ACTR3C: variants seen among roughly 807,000 people sequenced by gnomAD.
ACTR3C encodes actin related protein 3C.
Under a neutral mutation model 26.3 loss-of-function variants are expected in ACTR3C, and 18 were observed. The observed-to-expected ratio is 0.68, with a 90% CI of 0.47 to 1.01. The LOEUF (loss-of-function observed/expected upper bound fraction) is 1.01. Among genes scored for constraint, ACTR3C ranks in the 50% least tolerant of loss-of-function variants. ACTR3C has a pLI of 0.00. For synonymous variants in ACTR3C, 55 were observed against 94.5 expected (o/e 0.58, Z 2.42); for missense variants, 184 against 250.7 (o/e 0.73, Z 1.80).
the ACTR3C span, among the ~76,000 whole-genome samples, chr7:149,930,018 T>C: frequency 6.6e-6 from 1 of 152,114 alleles, no homozygotes; most frequent in Non-Finnish European, 1.5e-5. Flanking sequence ...AATATGCATA[T>C]CCTGTATCTA....
chr7:150,279,602 T>C (rs1835152001), intron 6 of ACTR3C, among the ~76,000 whole-genome samples: 1 of 151,908 alleles, frequency 6.6e-6, no homozygotes, highest in Non-Finnish European at 1.5e-5. Flanking sequence ...CCCACCACCG[T>C]AGGCTCTGGC....
chr7:150,137,555 C>A, the ACTR3C span, among the ~76,000 whole-genome samples: 1 of 152,304 alleles, frequency 6.6e-6, no homozygotes, highest in African/African-American at 2.4e-5. Flanking sequence ...TTTTTACTCT[C>A]ATTTTCTACT....
intron 1 of ACTR3C, among the ~76,000 whole-genome samples, chr7:150,297,516 G>A (rs1227579872): frequency 6.6e-6 from 1 of 152,126 alleles, no homozygotes; most frequent in Non-Finnish European, 1.5e-5. Flanking sequence ...TCCAGCAAAA[G>A]ACTTACAGTG....
chr7:150,124,026 T>C, the ACTR3C span, among the ~76,000 whole-genome samples: 1 of 152,148 alleles, frequency 6.6e-6, no homozygotes, highest in Non-Finnish European at 1.5e-5. Context: ...AGAAATAAAG[T>C]CCAGCAATCA....
the ACTR3C span, among the ~76,000 whole-genome samples, chr7:149,953,153 C>T: frequency 6.7e-6 from 1 of 148,682 alleles, no homozygotes; most frequent in African/African-American, 2.6e-5. Context: ...ATAAAACATG[C>T]TCATCATTTA....
the ACTR3C span, among the ~76,000 whole-genome samples, chr7:150,230,755 C>G: frequency 3.9e-5 from 6 of 152,210 alleles, no homozygotes; most frequent in African/African-American, 1.4e-4. Flanking sequence ...TCTCAGCCAT[C>G]AAATTTGTGG....
At chr7:150,304,482 C>T (rs1795655841) in intron 1 of ACTR3C, among the ~76,000 whole-genome samples, 2 of 152,122 alleles carry the variant, frequency 1.3e-5, no homozygotes, top group East Asian at 1.9e-4. Context: ...ACTATCAACA[C>T]GTGAATGCTA....
intron 6 of ACTR3C, among the ~76,000 whole-genome samples, chr7:150,249,647 G>T (rs1832696298): frequency 6.6e-6 from 1 of 152,088 alleles, no homozygotes; most frequent in Non-Finnish European, 1.5e-5. Context: ...TAGAGATGGG[G>T]TTTCGCCATG....
the ACTR3C span, among the ~76,000 whole-genome samples, chr7:149,939,458 G>A: frequency 2.0e-5 from 3 of 152,174 alleles, no homozygotes; most frequent in Non-Finnish European, 4.4e-5. Flanking sequence ...TGTTACCCAC[G>A]TTGTGCATAC....
chr7:150,277,575 AAC>A (rs1342491605), intron 6 of ACTR3C, among the ~76,000 whole-genome samples: 4 of 151,976 alleles, frequency 2.6e-5, no homozygotes, highest in Non-Finnish European at 5.9e-5. Flanking sequence ...AATGCAACTC[AAC>A]ATCTCCACCA....
chr7:150,003,336 GTATGTGGAA>G, the ACTR3C span, among the ~76,000 whole-genome samples: 1 of 145,234 alleles, frequency 6.9e-6, no homozygotes, highest in Admixed American at 7.0e-5. Context: ...GTATGATGTC[GTATGTGGAA>G]TGTGTGGTAT....
the ACTR3C span, among the ~76,000 whole-genome samples, chr7:150,219,264 A>G: frequency 1.3e-4 from 19 of 142,364 alleles, no homozygotes; most frequent in South Asian, 3.8e-3. Flanking sequence ...GAGCTAATAA[A>G]TATATATGCC....
the ACTR3C span, among the ~76,000 whole-genome samples, chr7:150,210,659 A>G: frequency 6.7e-6 from 1 of 148,604 alleles, no homozygotes; most frequent in Non-Finnish European, 1.5e-5. Context: ...CATATCTAAA[A>G]TGTTAGAAAA....
At chr7:150,239,507 G>A (rs1041229210), downstream of ACTR3C, among the ~76,000 whole-genome samples, 1 of 103,010 alleles carries the variant, frequency 9.7e-6, no homozygotes, top group East Asian at 2.7e-4. Context: ...AAAGTTGCTC[G>A]CTCTCTCTCT....
At chr7:149,895,069 A>C in the ACTR3C span, among the ~76,000 whole-genome samples, 2 of 151,944 alleles carry the variant, frequency 1.3e-5, no homozygotes, top group Non-Finnish European at 2.9e-5. Flanking sequence ...AAAAAAAAAA[A>C]GGAAATTCTG....
At chr7:150,302,545 C>T (rs1021275033) in intron 1 of ACTR3C, among the ~76,000 whole-genome samples, 3 of 151,480 alleles carry the variant, frequency 2.0e-5, no homozygotes, top group African/African-American at 7.3e-5. Context: ...GTTATGAAAA[C>T]TGTAAGGAAA....
the ACTR3C span, among the ~76,000 whole-genome samples, chr7:149,967,276 C>T: frequency 1.6e-4 from 25 of 152,020 alleles, no homozygotes; most frequent in Non-Finnish European, 3.2e-4. Context: ...ACCTCGTGAT[C>T]CACCCGCCTC....
At chr7:149,995,285 A>G in the ACTR3C span, among the ~76,000 whole-genome samples, 2 of 152,118 alleles carry the variant, frequency 1.3e-5, no homozygotes, top group African/African-American at 4.8e-5. Flanking sequence ...AGATTTCCTC[A>G]CTTTGCTCCT....
chr7:150,263,423 G>C (rs1833802106), intron 6 of ACTR3C, among the ~76,000 whole-genome samples: 1 of 151,384 alleles, frequency 6.6e-6, no homozygotes, highest in Non-Finnish European at 1.5e-5. Flanking sequence ...CTGGAAAATA[G>C]ATCTGGAGAA....
Sources: allele counts gnomAD v4.1 joint callset (sites outside exome capture counted in the v4.1 genomes callset), GRCh38; gene constraint gnomAD v4.1.1; transcripts MANE v1.5; gene names NCBI Gene and HGNC (gene_info 2026-07-23, HGNC 2026-07-21).